AIG1: variants seen among roughly 807,000 people sequenced by gnomAD.
AIG1 encodes androgen induced 1.
In AIG1, 23 loss-of-function variants were observed where a neutral mutation model predicts 31.4. The ratio of observed to expected loss-of-function variants is 0.73; its 90% CI spans 0.53 to 1.04. AIG1 has a LOEUF of 1.04. AIG1 is among the 50% of genes least tolerant of loss of function. The pLI is 0.00. For synonymous variants in AIG1, 100 were observed against 110.5 expected (o/e 0.90, Z 0.60); for missense variants, 274 against 295.0 (o/e 0.93, Z 0.52).
At position 143,136,983 on chromosome 6, in the gene AIG1, T is replaced by G; in HGVS notation, c.290T>G (p.Val97Gly). Reference sequence around the variant, plus strand: ...ATGTTAGCTGTGTTGGCCTTTCCTGTTGGGGTTGTGAGTATGATGGAGGAT... The same window carrying G: ...ATGTTAGCTGTGTTGGCCTTTCCTGGTGGGGTTGTGAGTATGATGGAGGAT... ...DWMLAVLAFP[V>G]GVFVVAVFWI... The change falls in exon 2 of 6, where the codon GTT becomes GGT. Residue 97 changes from valine to glycine, a missense_variant. Coordinates refer to ENST00000357847, the MANE Select transcript of AIG1 (RefSeq NM_016108.4). 1 of 1,428,040 alleles carries G rather than the reference T, an allele frequency of 7.0e-7. No individual in the cohort carries two copies. The highest frequency in any genetic ancestry group is 9.3e-7 in the Non-Finnish European group (1 of 1,072,242). The allele number at this position is 1,428,040 out of a possible 1,614,324, so 88.5% of individuals were successfully genotyped here.
At chr6:143,128,531 G>A (rs1782897845) in intron 1 of AIG1, among the ~76,000 whole-genome samples, 1 of 152,238 alleles carries the variant, frequency 6.6e-6, no homozygotes. Flanking sequence ...CCCAAAGCCA[G>A]ATGGTGTATA....
rs746268794 is a variant in AIG1 at position 143,280,823 on chromosome 6, C to T, written c.400-3287C>T. Among the ~76,000 whole-genome samples the T allele has an allele frequency of 7.9e-5, 12 of 152,032 alleles. No homozygotes were observed. The highest frequency in any genetic ancestry group is 1.6e-4 in the Non-Finnish European group (11 of 68,000). ...TAATACGTACAATGAAACCCCATGA[C>T]GTGTGTTTACCTATGTAACAAACCT... On this transcript the variant is annotated intron_variant, in intron 3 of 5. Coordinates refer to ENST00000357847, the MANE Select transcript of AIG1 (RefSeq NM_016108.4). The surrounding 1 kb of genome is among the most constrained non-coding windows in gnomAD (Gnocchi z 4.1).
At chr6:143,152,354 G>A (rs910341484) in intron 2 of AIG1, among the ~76,000 whole-genome samples, 8 of 152,038 alleles carry the variant, frequency 5.3e-5, no homozygotes, top group South Asian at 2.1e-4. Flanking sequence ...TAATTTTATC[G>A]AATAACTATA....
intron 1 of AIG1, among the ~76,000 whole-genome samples, chr6:143,061,849 C>T (rs1776288858): frequency 6.6e-6 from 1 of 152,232 alleles, no homozygotes; most frequent in Non-Finnish European, 1.5e-5. Flanking sequence ...CCTCTTCAAC[C>T]TCCCTGGAGA....
At chr6:143,069,838 C>T (rs1204473693) in intron 1 of AIG1, among the ~76,000 whole-genome samples, 1 of 152,120 alleles carries the variant, frequency 6.6e-6, no homozygotes, top group African/African-American at 2.4e-5. Flanking sequence ...TTTTATGGAA[C>T]CTCCTAGAAG....
downstream of AIG1, chr6:143,343,476 C>T: frequency 3.6e-6 from 1 of 275,160 alleles, no homozygotes; most frequent in Non-Finnish European, 7.3e-6. Flanking sequence ...TACGTTCCCG[C>T]CTGGAAGACG....
intron 1 of AIG1, among the ~76,000 whole-genome samples, chr6:143,069,539 C>G (rs1044014128): frequency 6.6e-6 from 1 of 152,162 alleles, no homozygotes; most frequent in Non-Finnish European, 1.5e-5. Context: ...GTGTGTAGCA[C>G]TATCTCATTG....
At chr6:143,246,388 A>AAG (rs558336950) in intron 3 of AIG1, among the ~76,000 whole-genome samples, 3 of 152,152 alleles carry the variant, frequency 2.0e-5, no homozygotes. Flanking sequence ...AGCAGGCAAA[A>AAG]AGAGAGCCTG....
At chr6:143,179,149 G>T (rs1158636352) in intron 3 of AIG1, among the ~76,000 whole-genome samples, 1 of 152,118 alleles carries the variant, frequency 6.6e-6, no homozygotes, top group South Asian at 2.1e-4. Flanking sequence ...TCAGGAGAGG[G>T]CTAATGGGAA....
intron 3 of AIG1, among the ~76,000 whole-genome samples, chr6:143,240,844 T>C (rs904472130): frequency 1.3e-5 from 2 of 152,216 alleles, no homozygotes; most frequent in Admixed American, 1.3e-4. Flanking sequence ...TACTTATCTT[T>C]CTGTGAATTT....
At chr6:143,145,215 G>A (rs987362966) in intron 2 of AIG1, among the ~76,000 whole-genome samples, 2 of 152,050 alleles carry the variant, frequency 1.3e-5, no homozygotes, top group African/African-American at 4.8e-5. Flanking sequence ...TGTAGACATG[G>A]GGTTTCACCA....
intron 2 of AIG1, among the ~76,000 whole-genome samples, chr6:143,163,371 G>T (rs1388937915): frequency 6.6e-6 from 1 of 152,184 alleles, no homozygotes; most frequent in Non-Finnish European, 1.5e-5. Context: ...GCTTAGAAAC[G>T]CTAGCCAGTT....
At chr6:143,084,220 T>C (rs930706719) in intron 1 of AIG1, among the ~76,000 whole-genome samples, 2 of 152,220 alleles carry the variant, frequency 1.3e-5, no homozygotes, top group Non-Finnish European at 2.9e-5. Flanking sequence ...TCAGTCCTGC[T>C]ACCGGCTCAT....
intron 2 of AIG1, among the ~76,000 whole-genome samples, chr6:143,147,062 T>C (rs965600181): frequency 6.6e-6 from 1 of 152,166 alleles, no homozygotes; most frequent in African/African-American, 2.4e-5. Flanking sequence ...GAGCACATTT[T>C]CCAGAAGTTT....
rs182327912 is a variant in AIG1 at position 143,236,080 on chromosome 6, A to G, written c.400-48030A>G. 4.8e-3 allele frequency among the ~76,000 whole-genome samples: 727 copies of G among 152,116 alleles called. 6 individuals carry two copies. The highest frequency in any genetic ancestry group is 0.017 in the African/African-American group (697 of 41,502). ...ATATACTGAACCCCATCACATTTTT[A>G]TTTTCTTGTATTTAATAAGCCCCAA... is the stretch of plus-strand genomic sequence containing the variant. On this transcript the variant is annotated intron_variant, in intron 3 of 5. Transcript: ENST00000357847.
chr6:143,313,178 A>G (rs1429209872), intron 4 of AIG1, among the ~76,000 whole-genome samples: 2 of 152,156 alleles, frequency 1.3e-5, no homozygotes, highest in East Asian at 1.9e-4. Context: ...TAGAGCTACC[A>G]TATGATCCAG....
intron 3 of AIG1, among the ~76,000 whole-genome samples, chr6:143,252,183 G>T (rs1038990074): frequency 6.6e-6 from 1 of 152,110 alleles, no homozygotes; most frequent in Non-Finnish European, 1.5e-5. Flanking sequence ...GCAATGGCAC[G>T]ATCTCAGCTC....
rs58776492 is a variant in AIG1, at chr6:143,095,027, A to T, written c.141+33961A>T. 2.5e-3 allele frequency among the ~76,000 whole-genome samples: 377 copies of T among 152,298 alleles called. 2 individuals are homozygous for T. Among genetic ancestry groups the T allele is most frequent in the African/African-American group, 8.7e-3 (363 of 41,574 alleles). Reference sequence around the variant, plus strand: ...TGAGGTTAGTTGCAAGACTCTAAAAATGCAATGGCAAAAACAAAAAAGGAA... The same window carrying T: ...TGAGGTTAGTTGCAAGACTCTAAAATTGCAATGGCAAAAACAAAAAAGGAA... On this transcript the variant is annotated intron_variant, in intron 1 of 5. Transcript: ENST00000357847.
intron 2 of AIG1, among the ~76,000 whole-genome samples, chr6:143,137,770 A>G (rs1425969605): frequency 1.3e-5 from 2 of 152,182 alleles, no homozygotes; most frequent in Non-Finnish European, 2.9e-5. Flanking sequence ...ACAGATTTTA[A>G]CCTCTGTGTA....
Sources: gnomAD v4.1 joint callset for allele counts (sites outside exome capture counted in the v4.1 genomes callset) on GRCh38, gnomAD v4.1.1 for gene constraint, Gnocchi (gnomAD v3.1) non-coding constraint, MANE v1.5 for transcripts, NCBI Gene and HGNC (gene_info 2026-07-23, HGNC 2026-07-21) for gene names.